Variants in ZNF831 observed in about 807,000 individuals in gnomAD.
ZNF831 encodes chromosome 20 open reading frame 174.
In ZNF831, 59 loss-of-function variants were observed where a neutral mutation model predicts 95.8. The observed-to-expected ratio is 0.62, with a 90% CI of 0.50 to 0.77. ZNF831 has a LOEUF of 0.77. Among genes scored for constraint, ZNF831 ranks in the 30% least tolerant of loss-of-function variants. The pLI, the probability that ZNF831 is intolerant of heterozygous loss-of-function variation, is 0.00. For synonymous variants in ZNF831, 961 were observed against 925.5 expected (o/e 1.04, Z -0.70); for missense variants, 2,205 against 2,164.0 (o/e 1.02, Z -0.38).
chr20:59,135,662 C>T (rs561529302), intron 1 of ZNF831, among the ~76,000 whole-genome samples: 16 of 152,078 alleles, frequency 1.1e-4, no homozygotes, highest in African/African-American at 1.4e-4. Flanking sequence ...ACCCGGGGGG[C>T]GGAGCTGGCA....
chr20:59,241,672 C>G (rs1987344710), intron 4 of ZNF831, among the ~76,000 whole-genome samples: 1 of 152,166 alleles, frequency 6.6e-6, no homozygotes. Context: ...TTTCTTTCCT[C>G]TTTATCTCAG....
upstream of ZNF831, among the ~76,000 whole-genome samples, chr20:59,162,700 G>A (rs1376820883): frequency 6.6e-6 from 1 of 152,140 alleles, no homozygotes; most frequent in Admixed American, 6.5e-5. Flanking sequence ...TTGTGGCCTT[G>A]TAGTATAGTT....
In ZNF831 at chr20:59,192,141, G is replaced by C. The variant is rs551783546; in HGVS notation, c.1122G>C (p.Glu374Asp). 39 of 1,564,238 alleles carry C rather than the reference G, an allele frequency of 2.5e-5. No individual in the cohort carries two copies. The South Asian group carries it at 4.3e-4, about 17-fold the overall frequency. ...TTTCGGAGCACAGCGCCGAGTCCGAGGGGGAGGGCGGCCCGGGCCCGGGGC... is the reference window on the plus strand; with the variant it reads ...TTTCGGAGCACAGCGCCGAGTCCGACGGGGAGGGCGGCCCGGGCCCGGGGC... ...HSLSEHSAES[E>D]GEGGPGPGPG... is the part of the protein sequence containing the mutation. Residue 374 changes from glutamate to aspartate, a missense_variant, in exon 2 of 6, where the codon GAG becomes GAC. Physicochemically the swap from Glu to Asp is conservative, Grantham distance 45 (BLOSUM62 2). Coordinates refer to ENST00000371030, the MANE Select transcript of ZNF831 (RefSeq NM_178457.3). The surrounding 1 kb of genome is among the most constrained non-coding windows in gnomAD (Gnocchi z 5.2).
rs761751767 is a variant in ZNF831, at chr20:59,193,109, C to A, written c.2090C>A (p.Pro697Gln). ...ACGCCAGAGCCTTGGGGAAATCCAC[C>A]AGCCCTGGAGGCCTCCTTGGTGACT... ...GATPEPWGNP[P>Q]ALEASLVTEP... is the part of the protein sequence containing the mutation. Residue 697 changes from proline to glutamine, a missense_variant, in exon 2 of 6, where the codon CCA becomes CAA. By Grantham distance (76) the Pro-to-Gln change is moderately conservative (BLOSUM62 -1). Coordinates refer to ENST00000371030, the MANE Select transcript of ZNF831 (RefSeq NM_178457.3). The A allele has an allele frequency of 1.3e-6, 2 of 1,592,124 alleles. No individual in the cohort carries two copies. The highest frequency in any genetic ancestry group is 8.6e-7 in the Non-Finnish European group (1 of 1,169,128).
intron 3 of ZNF831, among the ~76,000 whole-genome samples, chr20:59,206,627 C>G (rs1984911918): frequency 6.6e-6 from 1 of 152,230 alleles, no homozygotes; most frequent in Non-Finnish European, 1.5e-5. Flanking sequence ...AACCTAATTG[C>G]AGCAACTATC....
intron 1 of ZNF831, among the ~76,000 whole-genome samples, chr20:59,183,462 T>A (rs974129472): frequency 3.9e-5 from 6 of 152,246 alleles, no homozygotes; most frequent in Admixed American, 6.5e-5. Context: ...GGCCTACAGA[T>A]ACATATTTGA....
At chr20:59,166,451 C>T (rs1981270581) in intron 1 of ZNF831, among the ~76,000 whole-genome samples, 2 of 152,124 alleles carry the variant, frequency 1.3e-5, no homozygotes, top group Non-Finnish European at 2.9e-5. Context: ...ACCCAGTTTC[C>T]TCCAATAGCA....
intron 4 of ZNF831, among the ~76,000 whole-genome samples, chr20:59,233,333 C>T (rs992559861): frequency 9.2e-5 from 14 of 152,084 alleles, no homozygotes; most frequent in Non-Finnish European, 1.8e-4. Context: ...ACCATTTTGG[C>T]CTAGGTTCTT....
In ZNF831 at chr20:59,133,789, C is replaced by T. The variant is rs145416810; in HGVS notation, c.-1425+10284C>T. On this transcript the variant is annotated intron_variant, in intron 1 of 7. Coordinates refer to the ZNF831 transcript ENST00000637017. ...AAGGGAGGCAGCTCAGCGGCAAGGA[C>T]GAGCCCTGGAGCAAGAGTGCATGCC... Among the ~76,000 whole-genome samples the T allele has an allele frequency of 3.3e-3, 506 of 152,316 alleles. 2 individuals are homozygous for T. Among genetic ancestry groups the T allele is most frequent in the Non-Finnish European group, 5.8e-3 (392 of 68,040 alleles).
intron 5 of ZNF831, 29 bp from the exon 6 acceptor site, chr20:59,253,869 C>CCGGGGGGGTTGGTG: frequency 9.4e-7 from 1 of 1,067,576 alleles, no homozygotes; most frequent in Non-Finnish European, 1.2e-6. Flanking sequence ...TCCCCCCCCA[C>CCGGGGGGGTTGGTG]TTTTTTTTTC....
At chr20:59,149,274 G>A (rs1052994603) in intron 2 of ZNF831, among the ~76,000 whole-genome samples, 1 of 152,190 alleles carries the variant, frequency 6.6e-6, no homozygotes, top group Non-Finnish European at 1.5e-5. Flanking sequence ...GGTCTGATAA[G>A]CCAGACGAGA....
chr20:59,165,715 T>C (rs1396400022), intron 1 of ZNF831, among the ~76,000 whole-genome samples: 3 of 152,164 alleles, frequency 2.0e-5, no homozygotes, highest in Admixed American at 2.0e-4. Context: ...GATCTTTGTA[T>C]GTTTTCATTG....
chr20:59,202,910 TA>T (rs934318851), intron 3 of ZNF831, among the ~76,000 whole-genome samples: 5 of 152,230 alleles, frequency 3.3e-5, no homozygotes, highest in East Asian at 1.9e-4. Context: ...AATATAAGTT[TA>T]AAAAATGTTT....
chr20:59,252,780 C>G (rs750116748), intron 4 of ZNF831, among the ~76,000 whole-genome samples, 198 bp from the exon 5 acceptor site: 45 of 151,842 alleles, frequency 3.0e-4, no homozygotes, highest in Non-Finnish European at 4.7e-4. Flanking sequence ...TTGCCATTTC[C>G]TTCCTTCATA....
At position 59,208,443 on chromosome 20, in the gene ZNF831, C is replaced by T. The variant is rs1015414738; in HGVS notation, c.4027+1387C>T. Among the ~76,000 whole-genome samples, 3 of 152,206 alleles carry T rather than the reference C, an allele frequency of 2.0e-5. No individual in the cohort carries two copies. Among genetic ancestry groups the T allele is most frequent in the African/African-American group, 4.8e-5 (2 of 41,448 alleles). On this transcript the variant is annotated intron_variant, in intron 4 of 5. Coordinates refer to ENST00000371030, the MANE Select transcript of ZNF831 (RefSeq NM_178457.3). The surrounding 1 kb of genome is among the most constrained non-coding windows in gnomAD (Gnocchi z 4.2). ...GTCCTGTGACAGGCACAGGTGCCAT[C>T]GATATCACCTCTGTGCTCTCCAGGT...
rs2146766367 is a variant in ZNF831 at position 59,254,243 on chromosome 20, G to A, written c.4534G>A (p.Glu1512Lys). ...DHIAQEIHSA[E>K]SRDHSQTAGR... ...CATAGCCCAGGAAATTCACAGTGCT[G>A]AATCACGAGACCACAGCCAGACTGC... Residue 1512 changes from glutamate to lysine, a missense_variant, in exon 6 of 6, where the codon GAA (glutamate) becomes AAA (lysine). By Grantham distance (56) the Glu-to-Lys change is moderately conservative. Transcript: ENST00000371030. This position sits in a 1 kb window ranked among gnomAD's most constrained non-coding sequence, Gnocchi z 4.5. The A allele has an allele frequency of 6.2e-7, 1 of 1,614,054 alleles. No homozygotes were observed. The highest frequency in any genetic ancestry group is 8.5e-7 in the Non-Finnish European group (1 of 1,179,974).
intron 1 of ZNF831, among the ~76,000 whole-genome samples, chr20:59,179,275 C>A (rs1379168957): frequency 2.0e-5 from 3 of 152,148 alleles, no homozygotes; most frequent in Non-Finnish European, 4.4e-5. Context: ...TGGTGTTACC[C>A]CCGCTTGTAC....
intron 2 of ZNF831, among the ~76,000 whole-genome samples, chr20:59,152,442 C>T (rs1159892271): frequency 6.6e-6 from 1 of 152,034 alleles, no homozygotes; most frequent in Non-Finnish European, 1.5e-5. Flanking sequence ...TGAGGAACAG[C>T]ATAAGCAAAG....
At chr20:59,240,003 A>C (rs1425856414) in intron 4 of ZNF831, among the ~76,000 whole-genome samples, 1 of 152,084 alleles carries the variant, frequency 6.6e-6, no homozygotes, top group Non-Finnish European at 1.5e-5. Context: ...CCCCTGCCTA[A>C]GACCACCCCC....
Sources: gnomAD v4.1 joint callset for allele counts (sites outside exome capture counted in the v4.1 genomes callset) on GRCh38, gnomAD v4.1.1 for gene constraint, Gnocchi (gnomAD v3.1) non-coding constraint, MANE v1.5 for transcripts, NCBI Gene and HGNC (gene_info 2026-07-23, HGNC 2026-07-21) for gene names.